CERKL: variants seen among roughly 807,000 people sequenced by gnomAD.
CERKL encodes the protein ceramide kinase-like protein.
Under a neutral mutation model 63.4 loss-of-function variants are expected in CERKL, and 61 were observed. That is an observed-to-expected ratio of 0.96 (90% CI 0.78 to 1.19). The LOEUF is 1.19. Ranked by LOEUF, CERKL falls within the 50% of genes most tolerant of loss-of-function variation. The probability of loss-of-function intolerance (pLI) is 0.00; values close to 1 mark genes in which losing one functional copy is unlikely to be tolerated. For synonymous variants in CERKL, 250 were observed against 230.5 expected, an observed-to-expected ratio of 1.08 and a Z score of -0.77; for missense variants, 675 against 655.5, an observed-to-expected ratio of 1.03 and a Z score of -0.33.
At chr2:181,591,649 CTTG>C (rs1381291925) in intron 2 of CERKL, among the ~76,000 whole-genome samples, 2 of 152,120 alleles carry the variant, frequency 1.3e-5, no homozygotes, top group African/African-American at 4.8e-5. Flanking sequence ...GGGCACATGC[CTTG>C]TTGTTGGGAG....
At chr2:181,560,701 T>A (rs1688401662) in intron 4 of CERKL, among the ~76,000 whole-genome samples, 1 of 152,122 alleles carries the variant, frequency 6.6e-6, no homozygotes, top group Non-Finnish European at 1.5e-5. Context: ...GAACAGGGAT[T>A]TGAAATAAGA....
At chr2:181,599,512 A>C (rs1199643625) in intron 2 of CERKL, among the ~76,000 whole-genome samples, 1 of 151,412 alleles carries the variant, frequency 6.6e-6, no homozygotes, top group Non-Finnish European at 1.5e-5. Flanking sequence ...ACTCCAGCCT[A>C]GGCAACAGAG....
At chr2:181,561,825 T>C (rs6756489) in intron 4 of CERKL, among the ~76,000 whole-genome samples, 38,549 of 152,028 alleles carry the variant, frequency 0.25, 5,251 homozygotes, top group African/African-American at 0.35. Context: ...TATTTTATTT[T>C]ATTTTTGAGA....
At chr2:181,603,132 T>C (rs1351796643) in intron 2 of CERKL, 3 of 273,188 alleles carry the variant, frequency 1.1e-5, no homozygotes, top group African/African-American at 6.7e-5. Flanking sequence ...TACTGTGAAA[T>C]AGGTAATTCT....
intron 12 of CERKL, 66 bp downstream of exon 12, chr2:181,539,026 G>T: frequency 8.5e-7 from 1 of 1,173,560 alleles, no homozygotes; most frequent in Non-Finnish European, 1.3e-6. Context: ...AGAGAAGAGA[G>T]CTTTCGTTGT....
intron 1 of CERKL, among the ~76,000 whole-genome samples, chr2:181,625,052 A>G (rs1312831005): frequency 2.0e-5 from 3 of 152,206 alleles, no homozygotes. Flanking sequence ...ACAGAAACAG[A>G]GACAATAAGA....
intron 1 of CERKL, among the ~76,000 whole-genome samples, chr2:181,624,884 A>T (rs184197412): frequency 9.8e-4 from 150 of 152,354 alleles, no homozygotes; most frequent in South Asian, 1.9e-3. Flanking sequence ...GTTGTAGAAC[A>T]TAAGTTTGAG....
At chr2:181,627,264 G>A (rs1157537572) in intron 1 of CERKL, among the ~76,000 whole-genome samples, 3 of 152,100 alleles carry the variant, frequency 2.0e-5, no homozygotes, top group South Asian at 2.1e-4. Context: ...CTTACAAAAG[G>A]GGGCATCCTG....
At chr2:181,555,704 T>A (rs1458701884) in intron 5 of CERKL, among the ~76,000 whole-genome samples, 3 of 152,128 alleles carry the variant, frequency 2.0e-5, no homozygotes, top group African/African-American at 7.2e-5. Flanking sequence ...GTGTGACTTT[T>A]TAAAAGTTGA....
chr2:181,600,340 G>A (rs1685404105), intron 2 of CERKL, among the ~76,000 whole-genome samples: 1 of 152,164 alleles, frequency 6.6e-6, no homozygotes, highest in Non-Finnish European at 1.5e-5. Flanking sequence ...AATATCAAAT[G>A]TATAGGAACA....
At chr2:181,644,510 TTTATA>T (rs1399530182) in intron 1 of CERKL, among the ~76,000 whole-genome samples, 4 of 152,236 alleles carry the variant, frequency 2.6e-5, no homozygotes, top group Non-Finnish European at 5.9e-5. Flanking sequence ...GTAAACACAG[TTTATA>T]TTATAATGGC....
intron 5 of CERKL, among the ~76,000 whole-genome samples, chr2:181,555,802 G>T (rs1185346878): frequency 2.0e-5 from 3 of 148,552 alleles, no homozygotes; most frequent in Non-Finnish European, 4.4e-5. Context: ...GCCCAGGCTG[G>T]AGTACAGTGG....
chr2:181,619,510 C>A (rs1054497006), intron 1 of CERKL, among the ~76,000 whole-genome samples: 4 of 152,178 alleles, frequency 2.6e-5, no homozygotes, highest in Admixed American at 2.0e-4. Flanking sequence ...CATCTCTAAT[C>A]TCTGTATCCC....
intron 2 of CERKL, among the ~76,000 whole-genome samples, chr2:181,597,865 T>G (rs945153731): frequency 6.6e-6 from 1 of 152,072 alleles, no homozygotes; most frequent in African/African-American, 2.4e-5. Context: ...CTATGGAACC[T>G]CTAGAGATCT....
At position 181,536,852 on chromosome 2, in the gene CERKL, G is replaced by A. The variant is rs1040782394; in HGVS notation, c.*1332C>T. Reference sequence around the variant, plus strand: ...TATCTGACTCTGCCTTCATAAGAGAGCTGTGGCCGAATTTTGAACATCTGT... The same window carrying A: ...TATCTGACTCTGCCTTCATAAGAGAACTGTGGCCGAATTTTGAACATCTGT... On this transcript the variant is annotated 3_prime_UTR_variant, in exon 13 of 13. Coordinates refer to ENST00000410087, the MANE Select transcript of CERKL (RefSeq NM_201548.5). 4.7e-6 allele frequency: 2 copies of A among 426,452 alleles called. No individual in the cohort carries two copies. Among genetic ancestry groups the A allele is most frequent in the Non-Finnish European group, 9.4e-6 (2 of 213,394 alleles). 26.4% of individuals were successfully genotyped at this position (426,452 alleles called of 1,614,324 possible).
chr2:181,623,615 G>A (rs1372876305), intron 1 of CERKL, among the ~76,000 whole-genome samples: 1 of 152,200 alleles, frequency 6.6e-6, no homozygotes, highest in Non-Finnish European at 1.5e-5. Flanking sequence ...AAGCCTTTTA[G>A]ACAGAGATCT....
Position 181,538,160 on chromosome 2 carries a change from A to G in CERKL, c.*24T>C, listed in dbSNP as rs766477875. The G allele has an allele frequency of 7.5e-6, 11 of 1,467,056 alleles. No individual in the cohort carries two copies. Among genetic ancestry groups the G allele is most frequent in the African/African-American group, 1.4e-5 (1 of 71,958 alleles). 90.9% of individuals were successfully genotyped at this position (1,467,056 alleles called of 1,614,324 possible). A position where few individuals can be genotyped will look rare whatever the true frequency, so the allele number is the denominator to read the frequency against. On this transcript the variant is annotated 3_prime_UTR_variant, in exon 13 of 13. Coordinates refer to ENST00000410087, the MANE Select transcript of CERKL (RefSeq NM_201548.5). The stretch of plus-strand genomic sequence containing the variant: ...TTTATATTAAAATTCTAGTTTGTAC[A>G]TTTCTTTTAGAAACAATTACATGTT...
chr2:181,574,523 T>C (rs1326750002), intron 2 of CERKL, among the ~76,000 whole-genome samples: 1 of 152,214 alleles, frequency 6.6e-6, no homozygotes, highest in Non-Finnish European at 1.5e-5. Context: ...AGGGATTCAA[T>C]GATAGTGCTG....
At chr2:181,601,499 G>A (rs1051858558) in intron 2 of CERKL, among the ~76,000 whole-genome samples, 1 of 152,110 alleles carries the variant, frequency 6.6e-6, no homozygotes, top group Non-Finnish European at 1.5e-5. Flanking sequence ...GAGGCAAAGG[G>A]TGCAGTGAGC....
Sources: gnomAD v4.1 joint callset for allele counts (sites outside exome capture counted in the v4.1 genomes callset) on GRCh38, gnomAD v4.1.1 for gene constraint, MANE v1.5 for transcripts, NCBI Gene and HGNC (gene_info 2026-07-23, HGNC 2026-07-21) for gene names.